Variants in CSMD1 observed in about 807,000 individuals in gnomAD.
The protein encoded by CSMD1 is CUB and sushi domain-containing protein 1.
Under a neutral mutation model 417.5 loss-of-function variants are expected in CSMD1, and 213 were observed. The observed-to-expected ratio is 0.51, with a 90% CI of 0.46 to 0.57. The LOEUF (loss-of-function observed/expected upper bound fraction) is 0.57, where lower values mean the gene tolerates loss of function less well. Ranked by LOEUF, CSMD1 falls within the 20% of genes least tolerant of loss-of-function variation. CSMD1 has a pLI of 0.00. For synonymous variants in CSMD1, 2,862 were observed against 1,736.8 expected (o/e 1.65, Z -16.11); for missense variants, 6,923 against 4,529.7 (o/e 1.53, Z -15.17).
chr8:3,128,830 T>C (rs1817644926), intron 41 of CSMD1: 1 of 448,642 alleles, frequency 2.2e-6, no homozygotes, highest in African/African-American at 2.0e-5. Context: ...AAGTCCTTTC[T>C]TCTCCTTGAC....
At chr8:4,306,573 C>T (rs374123942) in intron 3 of CSMD1, among the ~76,000 whole-genome samples, 4 of 152,092 alleles carry the variant, frequency 2.6e-5, no homozygotes, top group Non-Finnish European at 5.9e-5. Context: ...AGCTCCCTGC[C>T]CATGGTGTAT....
intron 1 of CSMD1, among the ~76,000 whole-genome samples, chr8:4,810,532 T>A (rs982780765): frequency 6.6e-6 from 1 of 152,142 alleles, no homozygotes. Context: ...TACACGTGTG[T>A]GTGTGTGTGC....
intron 12 of CSMD1, among the ~76,000 whole-genome samples, chr8:3,435,436 T>C (rs752456984): frequency 6.6e-6 from 1 of 152,108 alleles, no homozygotes; most frequent in African/African-American, 2.4e-5. Context: ...TGGATGCCTA[T>C]TGAACACATC....
intron 11 of CSMD1, among the ~76,000 whole-genome samples, chr8:3,487,283 G>A (rs1486383393): frequency 6.6e-6 from 1 of 152,036 alleles, no homozygotes; most frequent in Non-Finnish European, 1.5e-5. Context: ...CTCTCTGCAA[G>A]CTCCACCTCC....
chr8:4,775,582 A>C (rs1453506176), intron 1 of CSMD1, among the ~76,000 whole-genome samples: 5 of 152,222 alleles, frequency 3.3e-5, no homozygotes, highest in African/African-American at 1.2e-4. Flanking sequence ...CAGAATAAAA[A>C]AGATATTTTA....
intron 15 of CSMD1, among the ~76,000 whole-genome samples, chr8:3,403,364 G>A (rs1206546083): frequency 6.6e-6 from 1 of 152,070 alleles, no homozygotes; most frequent in Non-Finnish European, 1.5e-5. Flanking sequence ...GTTTTCAGCA[G>A]AGGCAGTGAT....
chr8:4,362,794 G>C (rs1051965468), intron 3 of CSMD1, among the ~76,000 whole-genome samples: 2 of 152,104 alleles, frequency 1.3e-5, no homozygotes, highest in Non-Finnish European at 2.9e-5. Flanking sequence ...AAAATGAAAG[G>C]GAATTATTAT....
intron 49 of CSMD1, among the ~76,000 whole-genome samples, chr8:3,063,403 C>G (rs1167738174): frequency 6.6e-6 from 1 of 152,180 alleles, no homozygotes; most frequent in East Asian, 1.9e-4. Context: ...GTCAATAGGA[C>G]TGTTAAACAA....
At chr8:3,796,317 A>G (rs1275702584) in intron 5 of CSMD1, among the ~76,000 whole-genome samples, 1 of 124,056 alleles carries the variant, frequency 8.1e-6, no homozygotes, top group East Asian at 2.2e-4. Flanking sequence ...AGATATAGAT[A>G]TCTATCATGT....
intron 2 of CSMD1, among the ~76,000 whole-genome samples, chr8:4,541,620 C>A (rs536600882): frequency 6.6e-6 from 1 of 152,124 alleles, no homozygotes; most frequent in East Asian, 1.9e-4. Context: ...TGGTGGCAAG[C>A]ACCTGTAATC....
Position 3,260,619 on chromosome 8 carries a change from G to T in CSMD1, c.4153+23525C>A, listed in dbSNP as rs532608028. 4.6e-5 allele frequency among the ~76,000 whole-genome samples: 7 copies of T among 151,196 alleles called. No individual in the cohort carries two copies. The South Asian group carries it at 6.3e-4, about 14-fold the overall frequency. On this transcript the variant is annotated intron_variant, in intron 26 of 69. Coordinates refer to ENST00000635120, the MANE Select transcript of CSMD1 (RefSeq NM_033225.6). ...AGAGCAGAGGCTGAGGATGGCTCCAGTGCTTAGGGAGAGAAACATTTTTGA... is the reference window on the plus strand; with the variant it reads ...AGAGCAGAGGCTGAGGATGGCTCCATTGCTTAGGGAGAGAAACATTTTTGA...
intron 1 of CSMD1, among the ~76,000 whole-genome samples, chr8:4,834,784 G>A (rs1173335212): frequency 1.3e-5 from 2 of 151,048 alleles, no homozygotes; most frequent in African/African-American, 2.4e-5. Flanking sequence ...GTGAAACCCC[G>A]TCTCTACTAA....
chr8:3,709,708 T>TTTTTTTTTTTTTTTTTTTTC (rs1801396619), intron 6 of CSMD1, among the ~76,000 whole-genome samples: 1 of 140,288 alleles, frequency 7.1e-6, no homozygotes, highest in Non-Finnish European at 1.5e-5. Context: ...TTTTTTTTTT[T>TTTTTTTTTTTTTTTTTTTTC]TCCCTGCTTT....
intron 3 of CSMD1, among the ~76,000 whole-genome samples, chr8:4,091,677 A>G (rs1800728331): frequency 6.6e-6 from 1 of 152,214 alleles, no homozygotes; most frequent in South Asian, 2.1e-4. Flanking sequence ...CTCACTCCCT[A>G]AAATCTGTGA....
At chr8:3,783,442 C>T (rs1799288244) in intron 5 of CSMD1, among the ~76,000 whole-genome samples, 1 of 152,172 alleles carries the variant, frequency 6.6e-6, no homozygotes, top group African/African-American at 2.4e-5. Flanking sequence ...ATGCTGATGG[C>T]AGGTCGGGAG....
chr8:4,115,921 G>C (rs1341576177), intron 3 of CSMD1, among the ~76,000 whole-genome samples: 2 of 151,938 alleles, frequency 1.3e-5, no homozygotes, highest in African/African-American at 4.8e-5. Flanking sequence ...CCAGTGACTG[G>C]GGGCAGGGAG....
chr8:3,901,869 T>C (rs1156873266), intron 5 of CSMD1, among the ~76,000 whole-genome samples: 1 of 152,206 alleles, frequency 6.6e-6, no homozygotes, highest in Non-Finnish European at 1.5e-5. Flanking sequence ...ACTGTACTCT[T>C]CTCTAGTGCT....
At chr8:4,702,469 T>G (rs1807636399) in intron 1 of CSMD1, among the ~76,000 whole-genome samples, 1 of 152,138 alleles carries the variant, frequency 6.6e-6, no homozygotes, top group Non-Finnish European at 1.5e-5. Flanking sequence ...AATAGTCCCC[T>G]TCAGTCAAAA....
At chr8:3,632,191 G>A (rs1294874335) in intron 7 of CSMD1, among the ~76,000 whole-genome samples, 2 of 152,172 alleles carry the variant, frequency 1.3e-5, no homozygotes, top group African/African-American at 2.4e-5. Flanking sequence ...AGCAAAGGCA[G>A]AACTACTTTG....
Sources: gnomAD v4.1 joint callset for allele counts (sites outside exome capture counted in the v4.1 genomes callset) on GRCh38, gnomAD v4.1.1 for gene constraint, MANE v1.5 for transcripts, NCBI Gene and HGNC (gene_info 2026-07-23, HGNC 2026-07-21) for gene names.